The following KIAA1328 variants were observed in gnomAD, a reference collection of about 807,000 sequenced individuals.
The protein encoded by KIAA1328 is KIAA1328.
KIAA1328 carries 52 observed loss-of-function variants against 68.1 expected under a neutral mutation model. The observed-to-expected ratio is 0.76, with a 90% confidence interval of 0.61 to 0.96. KIAA1328 has a LOEUF of 0.96. Among genes scored for constraint, KIAA1328 ranks in the 40% least tolerant of loss-of-function variants. The pLI, the probability that KIAA1328 is intolerant of heterozygous loss-of-function variation, is 0.00. For missense variants in KIAA1328, 641 were observed against 677.6 expected (o/e 0.95, Z 0.60); for synonymous variants, 232 against 239.4 (o/e 0.97, Z 0.28).
chr18:36,992,451 C>CTTTT (rs71168252), intron 6 of KIAA1328, among the ~76,000 whole-genome samples: 75 of 130,032 alleles, frequency 5.8e-4, no homozygotes, highest in African/African-American at 1.7e-3. Context: ...TCTTTTCTTT[C>CTTTT]TTTTTTTTTT....
intron 7 of KIAA1328, among the ~76,000 whole-genome samples, chr18:37,138,075 C>T (rs1004886652): frequency 6.6e-6 from 1 of 152,120 alleles, no homozygotes; most frequent in Non-Finnish European, 1.5e-5. Context: ...AGATATTGCT[C>T]TTAAGCCTTT....
chr18:37,049,196 G>A (rs2055595004), intron 6 of KIAA1328, among the ~76,000 whole-genome samples: 1 of 152,218 alleles, frequency 6.6e-6, no homozygotes, highest in Non-Finnish European at 1.5e-5. Flanking sequence ...TGTGAAAACA[G>A]CTAACACTTA....
chr18:37,080,736 C>T (rs575754543), intron 7 of KIAA1328, among the ~76,000 whole-genome samples: 37 of 149,662 alleles, frequency 2.5e-4, no homozygotes, highest in African/African-American at 4.2e-4. Flanking sequence ...GCCGAGATCG[C>T]GCCACTTCAC....
intron 5 of KIAA1328, among the ~76,000 whole-genome samples, chr18:36,926,428 G>T (rs2050123799): frequency 6.7e-6 from 1 of 150,298 alleles, no homozygotes; most frequent in South Asian, 2.1e-4. Context: ...TTTTTGGAAA[G>T]AACACCACAG....
intron 6 of KIAA1328, among the ~76,000 whole-genome samples, chr18:37,055,650 T>C (rs2151685051): frequency 6.6e-6 from 1 of 152,286 alleles, no homozygotes; most frequent in African/African-American, 2.4e-5. Flanking sequence ...TGTGCCTTCT[T>C]TTACATTAAC....
chr18:36,961,783 C>G (rs1473866937), intron 6 of KIAA1328, among the ~76,000 whole-genome samples: 2 of 152,158 alleles, frequency 1.3e-5, no homozygotes, highest in Admixed American at 6.5e-5. Context: ...TTTGTCACCA[C>G]CAGGCCTGCC....
At chr18:37,030,636 G>A (rs2054785504) in intron 6 of KIAA1328, among the ~76,000 whole-genome samples, 1 of 151,934 alleles carries the variant, frequency 6.6e-6, no homozygotes, top group Non-Finnish European at 1.5e-5. Flanking sequence ...GCAATTATTG[G>A]ATATAGTATT....
chr18:37,036,988 G>A (rs1157954014), intron 6 of KIAA1328, among the ~76,000 whole-genome samples: 1 of 152,086 alleles, frequency 6.6e-6, no homozygotes, highest in Non-Finnish European at 1.5e-5. Flanking sequence ...AAATTTTCTT[G>A]TAGTAATTTT....
intron 5 of KIAA1328, among the ~76,000 whole-genome samples, chr18:36,955,645 G>T (rs1355582727): frequency 1.3e-5 from 2 of 151,904 alleles, no homozygotes; most frequent in African/African-American, 4.8e-5. Context: ...CGATCTATTT[G>T]TCTTTGAACA....
intron 6 of KIAA1328, among the ~76,000 whole-genome samples, chr18:37,025,957 C>A (rs1055362302): frequency 6.6e-6 from 1 of 152,026 alleles, no homozygotes; most frequent in Non-Finnish European, 1.5e-5. Flanking sequence ...AAACAGTCAA[C>A]AAAATTCATA....
At chr18:37,009,437 T>C (rs2053897297) in intron 6 of KIAA1328, among the ~76,000 whole-genome samples, 1 of 152,134 alleles carries the variant, frequency 6.6e-6, no homozygotes. Context: ...ACTACTGTTA[T>C]TCCTCTTTTT....
At chr18:37,050,166 G>C (rs1000370392) in intron 6 of KIAA1328, among the ~76,000 whole-genome samples, 1 of 151,934 alleles carries the variant, frequency 6.6e-6, no homozygotes, top group Non-Finnish European at 1.5e-5. Context: ...TGGTCCCTGG[G>C]AGTGCTGCTT....
At chr18:36,920,149 A>T (rs1292533726) in intron 5 of KIAA1328, among the ~76,000 whole-genome samples, 11 of 152,198 alleles carry the variant, frequency 7.2e-5, no homozygotes, top group African/African-American at 2.4e-4. Context: ...CCAGAATGGT[A>T]TTTCCTAGGT....
rs538236447 is a variant in KIAA1328, at chr18:37,184,859, T to G, written c.1523+11778T>G. On this transcript the variant is annotated intron_variant, in intron 9 of 9. Coordinates refer to ENST00000280020, the MANE Select transcript of KIAA1328 (RefSeq NM_020776.3). ...GATTTCAGAATAACATGGTTTAAAC[T>G]TCCCATTAAAAATGTTTGGGTTGGC... Among the ~76,000 whole-genome samples, 4 of 152,202 alleles carry G rather than the reference T, an allele frequency of 2.6e-5. No homozygotes were observed. In the East Asian group the frequency reaches 7.7e-4, roughly 29 times the overall value.
At chr18:36,992,982 C>T (rs552896653) in intron 6 of KIAA1328, among the ~76,000 whole-genome samples, 2 of 152,162 alleles carry the variant, frequency 1.3e-5, no homozygotes, top group Admixed American at 6.5e-5. Flanking sequence ...TGGTGTGCAC[C>T]TGTAGTCCCA....
intron 7 of KIAA1328, among the ~76,000 whole-genome samples, chr18:37,156,138 G>A (rs1233455075): frequency 6.6e-6 from 1 of 151,988 alleles, no homozygotes; most frequent in African/African-American, 2.4e-5. Context: ...CGGGCTCGGT[G>A]GCTCACACCT....
chr18:36,863,526 G>A (rs2047639506), intron 4 of KIAA1328, among the ~76,000 whole-genome samples: 1 of 151,972 alleles, frequency 6.6e-6, no homozygotes, highest in South Asian at 2.1e-4. Flanking sequence ...CAATAATTTT[G>A]GAATAAGCTT....
Position 37,222,241 on chromosome 18 carries a change from T to G in KIAA1328, c.*14T>G, listed in dbSNP as rs367550105. On this transcript the variant is annotated 3_prime_UTR_variant, in exon 10 of 10. Transcript: ENST00000280020. ...TTTTTCATTTGACATATTGCAAAAT[T>G]TTCTTAGGAAATTTGTGGGTTTCCT... The G allele has an allele frequency of 2.6e-6, 4 of 1,552,390 alleles. No homozygotes were observed. Among genetic ancestry groups the G allele is most frequent in the Non-Finnish European group, 3.5e-6 (4 of 1,147,430 alleles).
At chr18:37,202,480 C>T (rs576057293) in intron 9 of KIAA1328, among the ~76,000 whole-genome samples, 5 of 152,224 alleles carry the variant, frequency 3.3e-5, no homozygotes, top group African/African-American at 1.2e-4. Context: ...GTGTCTTTTC[C>T]ATGAATTTCC....
Sources: gnomAD v4.1 joint callset for allele counts (sites outside exome capture counted in the v4.1 genomes callset) on GRCh38, gnomAD v4.1.1 for gene constraint, MANE v1.5 for transcripts, NCBI Gene and HGNC (gene_info 2026-07-23, HGNC 2026-07-21) for gene names.